The following BLTP1 variants were observed in gnomAD, a reference collection of about 807,000 sequenced individuals.
BLTP1 encodes bridge-like lipid transfer protein family member 1, also known as fragile site-associated protein.
chr4:122,336,043 T>A, the BLTP1 span: 7 of 586,190 alleles, frequency 1.2e-5, no homozygotes, highest in Non-Finnish European at 2.0e-5. Flanking sequence ...CATTAACATA[T>A]CATTCCTATC....
At chr4:122,152,947 A>G in the BLTP1 span, 1 of 972,434 alleles carries the variant, frequency 1.0e-6, no homozygotes, top group Non-Finnish European at 1.2e-6. Context: ...GTTGTAGTAG[A>G]CCCCATGCTG....
the BLTP1 span, chr4:122,347,748 G>A: frequency 6.2e-7 from 1 of 1,613,656 alleles, no homozygotes; most frequent in East Asian, 2.2e-5. Flanking sequence ...TAAGATCAAG[G>A]AGTGTATCTG....
the BLTP1 span, chr4:122,336,116 C>T: frequency 8.0e-7 from 1 of 1,254,152 alleles, no homozygotes; most frequent in South Asian, 1.6e-5. Flanking sequence ...CTTGATTAAA[C>T]TTTAATATAA....
chr4:122,336,845 A>G, the BLTP1 span: 5 of 1,572,388 alleles, frequency 3.2e-6, no homozygotes, highest in Middle Eastern at 1.7e-4. Context: ...TTTGCCTTTG[A>G]TCTAATAATA....
At chr4:122,324,570 A>G in the BLTP1 span, 1 of 1,541,270 alleles carries the variant, frequency 6.5e-7, no homozygotes, top group Non-Finnish European at 8.8e-7. Context: ...AACAAGTAAT[A>G]AAATTGTTGA....
chr4:122,267,692 T>C, the BLTP1 span: 4 of 778,642 alleles, frequency 5.1e-6, no homozygotes, highest in Non-Finnish European at 6.2e-6. Context: ...ATGGTAAAAG[T>C]TAAGAACCAT....
the BLTP1 span, chr4:122,276,655 A>G: frequency 1.0e-6 from 1 of 961,530 alleles, no homozygotes; most frequent in African/African-American, 1.8e-5. Context: ...TTATAATGTT[A>G]GAAATGATTC....
the BLTP1 span, chr4:122,246,120 T>A: frequency 8.5e-4 from 1,312 of 1,536,320 alleles, 6 homozygotes; most frequent in African/African-American, 0.015. Context: ...TATGAAAAGC[T>A]TGTGAAATAA....
At chr4:122,189,126 T>C in the BLTP1 span, 7 of 910,940 alleles carry the variant, frequency 7.7e-6, no homozygotes. Context: ...AAAAGTGTCT[T>C]GCTATTAATA....
chr4:122,345,167 C>T, the BLTP1 span: 2 of 420,044 alleles, frequency 4.8e-6, no homozygotes, highest in South Asian at 2.0e-4. Context: ...TTAGGGTAAA[C>T]TTTTACCTGA....
At chr4:122,349,035 T>A in the BLTP1 span, 1 of 762,262 alleles carries the variant, frequency 1.3e-6, no homozygotes, top group Non-Finnish European at 2.0e-6. This position sits in a 1 kb window ranked among gnomAD's most constrained non-coding sequence, Gnocchi z 4.5. Flanking sequence ...ATATAAAGTA[T>A]GTTGTTTCAT....
the BLTP1 span, chr4:122,203,742 A>T: frequency 3.2e-6 from 1 of 308,978 alleles, no homozygotes; most frequent in Non-Finnish European, 4.7e-6. Context: ...TGGTAGGTAA[A>T]CTAATTATAA....
the BLTP1 span, chr4:122,224,487 ATTG>A: frequency 3.1e-6 from 5 of 1,607,682 alleles, no homozygotes; most frequent in Non-Finnish European, 3.4e-6. Flanking sequence ...TCTCATCATT[ATTG>A]TTTTCAGCAG....
chr4:122,174,872 A>G, the BLTP1 span: 1 of 272,920 alleles, frequency 3.7e-6, no homozygotes, highest in Non-Finnish European at 5.6e-6. Flanking sequence ...ATAGAAATGA[A>G]TAATCTTTCA....
At chr4:122,224,583 C>G in the BLTP1 span, 2 of 1,614,064 alleles carry the variant, frequency 1.2e-6, no homozygotes, top group East Asian at 2.2e-5. Flanking sequence ...ATGTTCTCAG[C>G]AGAAGGTCTT....
the BLTP1 span, among the ~76,000 whole-genome samples, chr4:122,184,415 G>A: frequency 2.8e-4 from 43 of 152,308 alleles, no homozygotes; most frequent in African/African-American, 1.0e-3. Context: ...GAGGCGGGCA[G>A]ATCACCTGAG....
chr4:122,243,083 C>T, the BLTP1 span: 1 of 1,610,144 alleles, frequency 6.2e-7, no homozygotes, highest in Non-Finnish European at 8.5e-7. Flanking sequence ...GTAAAAATAT[C>T]ATGCTTTTAA....
At chr4:122,172,266 A>C in the BLTP1 span, 2 of 697,350 alleles carry the variant, frequency 2.9e-6, no homozygotes, top group Non-Finnish European at 3.5e-6. Context: ...ATACAGGTTA[A>C]GTTGCTTTTC....
the BLTP1 span, chr4:122,255,247 C>T: frequency 1.2e-6 from 2 of 1,610,736 alleles, no homozygotes; most frequent in African/African-American, 1.3e-5. Flanking sequence ...ACTATCTGCA[C>T]CAGGCAAATT....
Sources: gnomAD v4.1 joint callset for allele counts (sites outside exome capture counted in the v4.1 genomes callset) on GRCh38, gnomAD v4.1.1 for gene constraint, Gnocchi (gnomAD v3.1) non-coding constraint, MANE v1.5 for transcripts, NCBI Gene and HGNC (gene_info 2026-07-23, HGNC 2026-07-21) for gene names.